Variants in ZNF679 observed in about 807,000 individuals in gnomAD.
The protein encoded by ZNF679 is zinc finger protein 679, also known as hypothetical protein MGC42415.
A neutral mutation model predicts 13.4 loss-of-function variants in ZNF679; 10 were observed. The ratio of observed to expected loss-of-function variants is 0.75; its 90% CI spans 0.46 to 1.27. The LOEUF is 1.27. Ranked by LOEUF, ZNF679 falls within the 50% of genes most tolerant of loss-of-function variation. ZNF679 has a pLI of 0.00. For missense variants in ZNF679, 525 were observed against 477.8 expected, an observed-to-expected ratio of 1.10 and a Z score of -0.92; for synonymous variants, 179 against 162.5, an observed-to-expected ratio of 1.10 and a Z score of -0.77.
At chr7:64,257,052 G>T in intron 2 of ZNF679, among the ~76,000 whole-genome samples, 1 of 152,064 alleles carries the variant, frequency 6.6e-6, no homozygotes, top group African/African-American at 2.4e-5. Flanking sequence ...CTATGATTTT[G>T]GTTATTTGAA....
chr7:64,252,480 T>A (rs1562844982), intron 2 of ZNF679, among the ~76,000 whole-genome samples: 2 of 152,308 alleles, frequency 1.3e-5, no homozygotes, highest in South Asian at 2.1e-4. Context: ...TTTTCTCAGG[T>A]GTGTTATTTT....
At chr7:64,261,945 C>T (rs1473859905) in intron 4 of ZNF679, among the ~76,000 whole-genome samples, 2 of 151,642 alleles carry the variant, frequency 1.3e-5, no homozygotes, top group African/African-American at 4.8e-5. Flanking sequence ...CAACCTCTGC[C>T]TCCCGGGTTC....
intron 1 of ZNF679, among the ~76,000 whole-genome samples, chr7:64,242,670 A>C (rs937354271): frequency 3.9e-5 from 6 of 152,314 alleles, no homozygotes; most frequent in Middle Eastern, 6.8e-3. Flanking sequence ...TGTGCATCCA[A>C]TAGTCACAAC....
chr7:64,236,859 GAAA>G (rs1223079498), intron 1 of ZNF679, among the ~76,000 whole-genome samples: 1 of 104,282 alleles, frequency 9.6e-6, no homozygotes, highest in African/African-American at 3.5e-5. Flanking sequence ...ACAAAAGAAA[GAAA>G]AAAAGAAAGA....
In ZNF679 at chr7:64,238,318, T is replaced by C. The variant is rs117750685; in HGVS notation, c.-91+9666T>C. 1.7e-3 allele frequency among the ~76,000 whole-genome samples: 263 copies of C among 152,248 alleles called. 7 individuals carry two copies. The East Asian group carries it at 0.047, about 27-fold the overall frequency. ...CTTTCTAATCTTTCTTGCTCCTCCA[T>C]ATGAATGACAGCCCTTTTCAGCCTA... On this transcript the variant is annotated intron_variant, in intron 1 of 4. Coordinates refer to ENST00000421025, the MANE Select transcript of ZNF679 (RefSeq NM_153363.3).
intron 1 of ZNF679, among the ~76,000 whole-genome samples, chr7:64,232,320 G>T (rs1787650997): frequency 6.6e-6 from 1 of 152,208 alleles, no homozygotes; most frequent in Non-Finnish European, 1.5e-5. Flanking sequence ...ACCACCCAAG[G>T]TCTTTGTAAA....
In ZNF679 at chr7:64,254,617, T is replaced by C. The variant is rs545700637; in HGVS notation, c.39+5461T>C. ...TCAAATTATTGAACTTGAGGGAGAT[T>C]ATGGGAGTCCCCAGTTTACAGACAG... On this transcript the variant is annotated intron_variant, in intron 2 of 4. Transcript: ENST00000421025. 1.2e-4 allele frequency among the ~76,000 whole-genome samples: 18 copies of C among 152,236 alleles called. No homozygotes were observed. In the East Asian group the frequency reaches 3.3e-3, roughly 28 times the overall value.
chr7:64,266,754 A>T lies in ZNF679; in HGVS notation c.1121A>T (p.His374Leu). ...SSTLNTHKRIHTGEEPYKCEE... is the reference protein window; with the variant it reads ...SSTLNTHKRILTGEEPYKCEE... ...ACTCTTAATACTCATAAGAGGATTC[A>T]TACTGGAGAGGAACCCTACAAATGT... The change falls in exon 5 of 5, where the codon CAT becomes CTT. Residue 374 changes from histidine (H) to leucine (L), a missense_variant. Transcript: ENST00000421025. The T allele has an allele frequency of 6.2e-7, 1 of 1,611,274 alleles. No individual in the cohort carries two copies. The highest frequency in any genetic ancestry group is 8.5e-7 in the Non-Finnish European group (1 of 1,178,614).
chr7:64,250,268 T>G (rs1168669598), intron 2 of ZNF679, among the ~76,000 whole-genome samples: 1 of 141,728 alleles, frequency 7.1e-6, no homozygotes, highest in Non-Finnish European at 1.5e-5. Flanking sequence ...TCCCTTGGTT[T>G]TTTTTTTTTT....
rs1201496824 is a variant in ZNF679 at position 64,266,351 on chromosome 7, T to C, written c.718T>C (p.Tyr240His). The C allele has an allele frequency of 6.2e-7, 1 of 1,613,700 alleles. No individual in the cohort carries two copies. The highest frequency in any genetic ancestry group is 1.7e-5 in the Admixed American group (1 of 59,954). Residue 240 changes from tyrosine (Y) to histidine (H), a missense_variant, in exon 5 of 5, where the codon TAC becomes CAC. Coordinates refer to ENST00000421025, the MANE Select transcript of ZNF679 (RefSeq NM_153363.3). Reference protein sequence around the residue: ...HKRIHTGEKPYRCEECGKAFT... With the variant: ...HKRIHTGEKPHRCEECGKAFT... ...AAGAATTCATACTGGAGAGAAACCC[T>C]ACAGATGTGAGGAATGTGGCAAAGC... is the stretch of plus-strand genomic sequence containing the variant.
intron 4 of ZNF679, among the ~76,000 whole-genome samples, chr7:64,264,772 A>G (rs1263585912): frequency 6.6e-6 from 1 of 151,980 alleles, no homozygotes; most frequent in East Asian, 1.9e-4. Context: ...CTTTTATCTT[A>G]TAGCTCCCAA....
At chr7:64,259,485 C>CT (rs772430254) in intron 2 of ZNF679, among the ~76,000 whole-genome samples, 29 of 152,096 alleles carry the variant, frequency 1.9e-4, no homozygotes, top group Admixed American at 9.2e-4. Flanking sequence ...CAGGATGGCA[C>CT]TTATTACCCA....
chr7:64,260,494 C>A, intron 3 of ZNF679, 147 bp downstream of exon 3: 1 of 1,309,684 alleles, frequency 7.6e-7, no homozygotes, highest in South Asian at 1.7e-5. Flanking sequence ...AGAACAAATT[C>A]TTCAAGATGT....
intron 1 of ZNF679, among the ~76,000 whole-genome samples, chr7:64,238,803 A>G (rs1787758456): frequency 6.6e-6 from 1 of 151,572 alleles, no homozygotes; most frequent in Non-Finnish European, 1.5e-5. Flanking sequence ...GGACATCAAA[A>G]CCCTCCTCCC....
intron 1 of ZNF679, among the ~76,000 whole-genome samples, chr7:64,239,581 T>C (rs571498731): frequency 6.6e-6 from 1 of 152,338 alleles, no homozygotes; most frequent in African/African-American, 2.4e-5. Context: ...GGCCACTTCC[T>C]TCAAAGGAAT....
chr7:64,265,770 A>C (rs1788135205), intron 4 of ZNF679, 126 bp from the exon 5 acceptor site: 2 of 1,038,360 alleles, frequency 1.9e-6, no homozygotes, highest in African/African-American at 1.6e-5. Context: ...TGAAGGAATT[A>C]TGGCCTGTGG....
At chr7:64,263,556 T>C (rs1326803481) in intron 4 of ZNF679, among the ~76,000 whole-genome samples, 3 of 152,160 alleles carry the variant, frequency 2.0e-5, no homozygotes, top group African/African-American at 7.2e-5. Context: ...GAGAGGTGTT[T>C]GCATCGTGGA....
intron 1 of ZNF679, among the ~76,000 whole-genome samples, chr7:64,235,090 A>G (rs1787690582): frequency 6.6e-6 from 1 of 152,182 alleles, no homozygotes; most frequent in South Asian, 2.1e-4. Context: ...CACCTGCTTC[A>G]GCCTCCCGAA....
chr7:64,258,333 A>G (rs1279481240), intron 2 of ZNF679, among the ~76,000 whole-genome samples: 1 of 152,132 alleles, frequency 6.6e-6, no homozygotes, highest in Non-Finnish European at 1.5e-5. Context: ...AGAGCATCTT[A>G]TCTGAAAATA....
Sources: allele counts gnomAD v4.1 joint callset (sites outside exome capture counted in the v4.1 genomes callset), GRCh38; gene constraint gnomAD v4.1.1; transcripts MANE v1.5; gene names NCBI Gene and HGNC (gene_info 2026-07-23, HGNC 2026-07-21).